Variants in PSG1 observed in about 807,000 individuals in gnomAD.
PSG1 encodes the protein pregnancy-specific beta-1-glycoprotein 1.
PSG1 carries 60 observed loss-of-function variants against 41.4 expected under a neutral mutation model. That is an observed-to-expected ratio of 1.45 (90% CI 1.18 to 1.80). The LOEUF is 1.80. Among genes scored for constraint, PSG1 ranks in the 40% most tolerant of loss-of-function variants. The probability of loss-of-function intolerance (pLI) is 0.00; values close to 1 mark genes in which losing one functional copy is unlikely to be tolerated. For synonymous variants in PSG1, 256 were observed against 192.9 expected (o/e 1.33, Z -2.71); for missense variants, 806 against 516.9 (o/e 1.56, Z -5.42).
chr19:42,876,644 A>G, intron 2 of PSG1: 1 of 257,796 alleles, frequency 3.9e-6, no homozygotes, highest in East Asian at 1.0e-4. Flanking sequence ...CTCTCATGAC[A>G]GTGACAAGGA....
chr19:42,872,195 T>C (rs1486432592), intron 2 of PSG1, 150 bp from the exon 3 acceptor site: 3 of 1,209,458 alleles, frequency 2.5e-6, no homozygotes, highest in Admixed American at 2.6e-5. Context: ...GACAGATGCA[T>C]GGCAATCTGA....
At chr19:42,874,846 G>A (rs1314057914) in intron 2 of PSG1, among the ~76,000 whole-genome samples, 2 of 151,200 alleles carry the variant, frequency 1.3e-5, no homozygotes, top group African/African-American at 4.9e-5. Context: ...ACTCAGAGAT[G>A]GAGTGCCCAG....
chr19:42,874,298 G>A lies in PSG1; in HGVS notation c.431-2253C>T, dbSNP rs1971515043. On this transcript the variant is annotated intron_variant, in intron 2 of 5. Transcript: ENST00000436291. Reference sequence around the variant, plus strand: ...CCTCAAGCTAGGTATTCTTTCCACAGCTGTGTGCAGTCTACCAGTAAGCAT... The same window carrying A: ...CCTCAAGCTAGGTATTCTTTCCACAACTGTGTGCAGTCTACCAGTAAGCAT... Among the ~76,000 whole-genome samples the A allele has an allele frequency of 2.0e-5, 3 of 151,510 alleles. No individual in the cohort carries two copies. In the South Asian group the frequency reaches 6.3e-4, roughly 32 times the overall value.
chr19:42,867,592 G>T, intron 5 of PSG1: 1 of 667,306 alleles, frequency 1.5e-6, no homozygotes, highest in Non-Finnish European at 2.7e-6. Flanking sequence ...TACAAAGAAA[G>T]CAGATTGTTA....
chr19:42,875,790 G>A (rs1340110187), intron 2 of PSG1, among the ~76,000 whole-genome samples: 8 of 150,168 alleles, frequency 5.3e-5, no homozygotes, highest in Non-Finnish European at 1.0e-4. Context: ...ACTGCAAACC[G>A]CCATTTCAAT....
chr19:42,867,464 C>G, intron 5 of PSG1: 2 of 577,044 alleles, frequency 3.5e-6, no homozygotes, highest in African/African-American at 1.9e-5. Flanking sequence ...GGAAGCCAAA[C>G]CAAGGCTGAC....
At chr19:42,867,671 G>A in intron 5 of PSG1, 3 of 765,688 alleles carry the variant, frequency 3.9e-6, no homozygotes, top group East Asian at 2.4e-5. Context: ...CCAATTCTGG[G>A]GCAGTCAGGT....
intron 1 of PSG1, 63 bp from the exon 2 acceptor site, chr19:42,878,341 C>T (rs1001775580): frequency 1.9e-6 from 3 of 1,541,088 alleles, no homozygotes; most frequent in Middle Eastern, 1.8e-4. Flanking sequence ...AAACATGGGG[C>T]CCTGGGTCCT....
intron 2 of PSG1, among the ~76,000 whole-genome samples, chr19:42,873,710 G>A (rs140412035): frequency 6.6e-6 from 1 of 151,604 alleles, no homozygotes; most frequent in Non-Finnish European, 1.5e-5. Context: ...CCCATTGAAA[G>A]GACCGAACTG....
At chr19:42,874,824 G>A (rs1697355115) in intron 2 of PSG1, among the ~76,000 whole-genome samples, 1 of 151,168 alleles carries the variant, frequency 6.6e-6, no homozygotes, top group African/African-American at 2.4e-5. Context: ...GTGAGGATGG[G>A]GTCAAGAGTC....
chr19:42,873,365 G>T (rs950474522), intron 2 of PSG1, among the ~76,000 whole-genome samples: 2 of 151,676 alleles, frequency 1.3e-5, no homozygotes, highest in African/African-American at 2.4e-5. Context: ...GGTCAGAAGT[G>T]TTGAGTTTTG....
At chr19:42,871,663 G>T (rs371544836) in intron 3 of PSG1, 104 bp downstream of exon 3, 3 of 1,610,542 alleles carry the variant, frequency 1.9e-6, no homozygotes, top group East Asian at 2.2e-5. Context: ...ATGTCCAGGG[G>T]TAAAGGTCTC....
In PSG1 at chr19:42,868,973, G is replaced by A. The variant is rs756156398; in HGVS notation, c.771C>T (p.Val257=). ...NNLNPRENKD[V]LNFTCEPKSE... ...TCTTAGGTTCACAGGTGAAGTTTAA[G>A]ACATCCTTATTCTCCCTGGGGTTTA... Residue 257 remains valine (V), a synonymous_variant, in exon 4 of 6, where the codon GTC becomes GTT. Transcript: ENST00000436291. The A allele has an allele frequency of 2.5e-6, 4 of 1,610,542 alleles. No individual in the cohort carries two copies. The African/African-American group carries it at 5.4e-5, about 22-fold the overall frequency.
intron 2 of PSG1, among the ~76,000 whole-genome samples, chr19:42,873,419 G>A (rs539488871): frequency 6.6e-6 from 1 of 151,652 alleles, no homozygotes; most frequent in East Asian, 1.9e-4. Flanking sequence ...TGCTCAATTT[G>A]TAACAGTGTA....
chr19:42,872,122 G>T (rs1377375720), intron 2 of PSG1, 77 bp from the exon 3 acceptor site: 21 of 1,543,124 alleles, frequency 1.4e-5, no homozygotes, highest in Admixed American at 1.3e-4. Flanking sequence ...ATCAGAATTG[G>T]CATTTCCCAC....
At chr19:42,871,589 C>G (rs1971385880) in intron 3 of PSG1, among the ~76,000 whole-genome samples, 178 bp downstream of exon 3, 1 of 151,620 alleles carries the variant, frequency 6.6e-6, no homozygotes, top group Non-Finnish European at 1.5e-5. Context: ...CTCTTTTCTC[C>G]TATTGTTGAT....
intron 1 of PSG1, among the ~76,000 whole-genome samples, chr19:42,878,809 C>A (rs187162617): frequency 0.012 from 1,813 of 151,188 alleles, 60 homozygotes; most frequent in African/African-American, 0.042. Context: ...CTTGGTTGCA[C>A]CCCAGTGCCT....
Position 42,866,572 on chromosome 19 carries a change from G to T in PSG1, c.*562C>A. The T allele has an allele frequency of 5.3e-6, 1 of 190,196 alleles. No individual in the cohort carries two copies. Among genetic ancestry groups the T allele is most frequent in the Non-Finnish European group, 1.1e-5 (1 of 90,768 alleles). 11.8% of individuals were successfully genotyped at this position (190,196 alleles called of 1,614,324 possible). On this transcript the variant is annotated 3_prime_UTR_variant, in exon 6 of 6. Coordinates refer to ENST00000436291, the MANE Select transcript of PSG1 (RefSeq NM_001184825.2). ...CCATCCACACAATGTGGATTTAAAG[G>T]GGACTCTATTATAATTTCAGCTTTC... is the stretch of plus-strand genomic sequence containing the variant.
In PSG1 at chr19:42,878,848, G is replaced by C. The variant is rs893567745; in HGVS notation, c.65-570C>G. ...ACAGGCTGCAGACTCCTGTAGATGTGAGAGTTCTCAGGGCCCTCCATGCCC... is the reference window on the plus strand; with the variant it reads ...ACAGGCTGCAGACTCCTGTAGATGTCAGAGTTCTCAGGGCCCTCCATGCCC... On this transcript the variant is annotated intron_variant, in intron 1 of 5. Coordinates refer to ENST00000436291, the MANE Select transcript of PSG1 (RefSeq NM_001184825.2). Among the ~76,000 whole-genome samples, 5 of 151,472 alleles carry C rather than the reference G, an allele frequency of 3.3e-5. 1 individual carries two copies. Among genetic ancestry groups the C allele is most frequent in the Non-Finnish European group, 7.4e-5 (5 of 67,848 alleles).
Sources: allele counts gnomAD v4.1 joint callset (sites outside exome capture counted in the v4.1 genomes callset), GRCh38; gene constraint gnomAD v4.1.1; transcripts MANE v1.5; gene names NCBI Gene and HGNC (gene_info 2026-07-23, HGNC 2026-07-21).